The following PRMT1 variants were observed in gnomAD, a reference collection of about 807,000 sequenced individuals.
PRMT1 encodes protein arginine methyltransferase 1.
In PRMT1, 5 loss-of-function variants were observed where a neutral mutation model predicts 47.4. The ratio of observed to expected loss-of-function variants is 0.11; its 90% CI spans 0.06 to 0.22. PRMT1 has a LOEUF of 0.22. Among genes scored for constraint, PRMT1 ranks in the 10% least tolerant of loss-of-function variants. The probability of loss-of-function intolerance (pLI) is 1.00; values close to 1 mark genes in which losing one functional copy is unlikely to be tolerated. For missense variants in PRMT1, 249 were observed against 518.4 expected (o/e 0.48, Z 5.05); for synonymous variants, 227 against 204.6 (o/e 1.11, Z -0.94).
rs1462229388 is a variant in PRMT1 at position 49,684,116 on chromosome 19, G to T, written c.555+47G>T. ...TGCAGCTCGCGTGGGCTGGGGTCCA[G>T]GTAGAAGACGAAAACCACGCTCAAT... On this transcript the variant is annotated intron_variant, in intron 6 of 10. Coordinates refer to ENST00000454376, the MANE Select transcript of PRMT1 (RefSeq NM_001536.6). This position sits in a 1 kb window ranked among gnomAD's most constrained non-coding sequence, Gnocchi z 6.2. 4 of 1,607,150 alleles carry T rather than the reference G, an allele frequency of 2.5e-6. No homozygotes were observed. Among genetic ancestry groups the T allele is most frequent in the Non-Finnish European group, 3.4e-6 (4 of 1,175,414 alleles).
At chr19:49,677,353 C>A in intron 1 of PRMT1, 37 bp downstream of exon 1, 1 of 1,370,992 alleles carries the variant, frequency 7.3e-7, no homozygotes, top group Non-Finnish European at 9.5e-7. Context: ...CGGGAGGCGG[C>A]TTTGGGTCGG....
In PRMT1 at chr19:49,686,261, G is replaced by C; in HGVS notation, c.910+18G>C. On this transcript the variant is annotated intron_variant, in intron 9 of 10. Transcript: ENST00000454376. Reference sequence around the variant, plus strand: ...CTCCACCAGTGAGGCGGGGCCCACAGGGCTGGGGGCCGTTCCCGAGCCAGG... The same window carrying C: ...CTCCACCAGTGAGGCGGGGCCCACACGGCTGGGGGCCGTTCCCGAGCCAGG... 1.9e-6 allele frequency: 3 copies of C among 1,575,912 alleles called. No homozygotes were observed. The highest frequency in any genetic ancestry group is 4.7e-5 in the East Asian group (2 of 42,246).
chr19:49,683,209 G>A (rs551784569), intron 5 of PRMT1, among the ~76,000 whole-genome samples: 7 of 151,670 alleles, frequency 4.6e-5, no homozygotes, highest in African/African-American at 1.5e-4. Context: ...GTGAGCCACC[G>A]TGCCATCCTG....
In PRMT1 at chr19:49,685,959, G is replaced by C. The variant is rs1052827784; in HGVS notation, c.760-134G>C. 1.7e-5 allele frequency: 25 copies of C among 1,476,400 alleles called. No individual in the cohort carries two copies. The highest frequency in any genetic ancestry group is 2.1e-5 in the Non-Finnish European group (23 of 1,121,114). The allele number at this position is 1,476,400 out of a possible 1,614,324, so 91.5% of individuals were successfully genotyped here. A position where few individuals can be genotyped will look rare whatever the true frequency, so the allele number is the denominator to read the frequency against. Reference sequence around the variant, plus strand: ...GATGCAGAGTGAAGGAGGAGCCGAGGCTGGGTGCCAGTGAGGGAGGGCTAG... The same window carrying C: ...GATGCAGAGTGAAGGAGGAGCCGAGCCTGGGTGCCAGTGAGGGAGGGCTAG... On this transcript the variant is annotated intron_variant, in intron 8 of 10. Transcript: ENST00000454376. The surrounding 1 kb of genome is among the most constrained non-coding windows in gnomAD (Gnocchi z 4.7).
At chr19:49,682,294 G>C (rs1333975127) in intron 5 of PRMT1, 35 bp downstream of exon 5, 1 of 1,604,178 alleles carries the variant, frequency 6.2e-7, no homozygotes, top group South Asian at 1.1e-5. Context: ...TGTGGGAGTG[G>C]AGGGGGTGAT....
In PRMT1 at chr19:49,680,446, G is replaced by A. The variant is rs1363670987; in HGVS notation, c.91-41G>A. ...CTGGAGGTTTAAGAGGCTGTGGGGAGCCCCCAGATCTGACCCATGATCCCA... is the reference window on the plus strand; with the variant it reads ...CTGGAGGTTTAAGAGGCTGTGGGGAACCCCCAGATCTGACCCATGATCCCA... On this transcript the variant is annotated intron_variant, in intron 2 of 10. Coordinates refer to ENST00000454376, the MANE Select transcript of PRMT1 (RefSeq NM_001536.6). The surrounding 1 kb of genome is among the most constrained non-coding windows in gnomAD (Gnocchi z 4.2). The A allele has an allele frequency of 2.0e-6, 3 of 1,492,732 alleles. No homozygotes were observed. The highest frequency in any genetic ancestry group is 1.7e-5 in the Admixed American group (1 of 59,798). The allele number at this position is 1,492,732 out of a possible 1,614,324, so 92.5% of individuals were successfully genotyped here. A position where few individuals can be genotyped will look rare whatever the true frequency, so the allele number is the denominator to read the frequency against.
At position 49,681,809 on chromosome 19, in the gene PRMT1, C is replaced by A; in HGVS notation, c.193-101C>A. 1 of 1,133,626 alleles carries A rather than the reference C, an allele frequency of 8.8e-7. No homozygotes were observed. The highest frequency in any genetic ancestry group is 1.2e-6 in the Non-Finnish European group (1 of 831,370). 70.2% of individuals were successfully genotyped at this position (1,133,626 alleles called of 1,614,324 possible). ...GGAAACTGAGGTGCATGGAAGAAAG[C>A]GAGAGGGCCGAGCTCTGGCCCTCCG... On this transcript the variant is annotated intron_variant, in intron 3 of 10. Coordinates refer to ENST00000454376, the MANE Select transcript of PRMT1 (RefSeq NM_001536.6). This position sits in a 1 kb window ranked among gnomAD's most constrained non-coding sequence, Gnocchi z 4.4.
Position 49,680,220 on chromosome 19 carries a change from CAG to C in PRMT1, c.91-261_91-260del. On this transcript the variant is annotated intron_variant, in intron 2 of 10. Transcript: ENST00000454376. The surrounding 1 kb of genome is among the most constrained non-coding windows in gnomAD (Gnocchi z 4.2). The stretch of plus-strand genomic sequence containing the variant: ...CTGTGGGCTGAGCTAGAGACGGGGT[CAG>C]AGAGACTGGAGAGATGGTAGGCGTG... 1.3e-6 allele frequency: 2 copies of C among 1,597,854 alleles called. No homozygotes were observed. The highest frequency in any genetic ancestry group is 1.7e-6 in the Non-Finnish European group (2 of 1,169,554).
At position 49,680,384 on chromosome 19, in the gene PRMT1, G is replaced by T; in HGVS notation, c.91-103G>T. 1.7e-6 allele frequency: 2 copies of T among 1,157,768 alleles called. No homozygotes were observed. The allele number at this position is 1,157,768 out of a possible 1,614,324, so 71.7% of individuals were successfully genotyped here. The stretch of plus-strand genomic sequence containing the variant: ...TGTAGGGTTGTCATGGTATGATTTT[G>T]GGGGTTCTATACTACTCTTCAGGGA... On this transcript the variant is annotated intron_variant, in intron 2 of 10. Coordinates refer to ENST00000454376, the MANE Select transcript of PRMT1 (RefSeq NM_001536.6). The surrounding 1 kb of genome is among the most constrained non-coding windows in gnomAD (Gnocchi z 4.2).
chr19:49,679,204 C>T (rs1337692163), intron 1 of PRMT1, among the ~76,000 whole-genome samples: 1 of 152,168 alleles, frequency 6.6e-6, no homozygotes, highest in Non-Finnish European at 1.5e-5. Flanking sequence ...GGAGTCCTCT[C>T]ATTCTTAGAG....
In PRMT1 at chr19:49,684,341, G is replaced by T. The variant is rs1314560764; in HGVS notation, c.555+272G>T. 6.6e-6 allele frequency among the ~76,000 whole-genome samples: 1 copy of T among 152,154 alleles called. No homozygotes were observed. Among genetic ancestry groups the T allele is most frequent in the East Asian group, 1.9e-4 (1 of 5,174 alleles). On this transcript the variant is annotated intron_variant, in intron 6 of 10. Coordinates refer to ENST00000454376, the MANE Select transcript of PRMT1 (RefSeq NM_001536.6). The surrounding 1 kb of genome is among the most constrained non-coding windows in gnomAD (Gnocchi z 6.2). Reference sequence around the variant, plus strand: ...CCGGGAGAGGTGAGGTGACGGAGAGGTGGATGAAGCATACGGAGGGGCAGC... The same window carrying T: ...CCGGGAGAGGTGAGGTGACGGAGAGTTGGATGAAGCATACGGAGGGGCAGC...
In PRMT1 at chr19:49,680,608, A is replaced by ACTG; in HGVS notation, c.192+20_192+21insCTG. The ACTG allele has an allele frequency of 6.4e-7, 1 of 1,567,406 alleles. No individual in the cohort carries two copies. Among genetic ancestry groups the ACTG allele is most frequent in the Non-Finnish European group, 8.8e-7 (1 of 1,137,746 alleles). On this transcript the variant is annotated intron_variant, in intron 3 of 10. Coordinates refer to ENST00000454376, the MANE Select transcript of PRMT1 (RefSeq NM_001536.6). This position sits in a 1 kb window ranked among gnomAD's most constrained non-coding sequence, Gnocchi z 4.2. Reference sequence around the variant, plus strand: ...CACGAGGTCAGTGGGGACAGTCCCCAAGGCCCCAATCTTAGGGGGGCTTAA... The same window carrying ACTG: ...CACGAGGTCAGTGGGGACAGTCCCCACTGAGGCCCCAATCTTAGGGGGGCTTAA...
At chr19:49,677,890 C>A (rs1224495102) in intron 1 of PRMT1, among the ~76,000 whole-genome samples, 3 of 151,718 alleles carry the variant, frequency 2.0e-5, no homozygotes, top group Non-Finnish European at 4.4e-5. Flanking sequence ...CGGTTTTGTG[C>A]GTTCTGGGTT....
chr19:49,680,111 G>A lies in PRMT1; in HGVS notation c.90+186G>A, dbSNP rs560988427. On this transcript the variant is annotated intron_variant, in intron 2 of 10. Coordinates refer to ENST00000454376, the MANE Select transcript of PRMT1 (RefSeq NM_001536.6). The surrounding 1 kb of genome is among the most constrained non-coding windows in gnomAD (Gnocchi z 4.2). The stretch of plus-strand genomic sequence containing the variant: ...GCCCCCGCTGGCCTCCCCCAGTATC[G>A]CCGCTACTTCCTTAACTCCACCTCC... 57 of 1,133,680 alleles carry A rather than the reference G, an allele frequency of 5.0e-5. No individual in the cohort carries two copies. Among genetic ancestry groups the A allele is most frequent in the Admixed American group, 1.0e-4 (5 of 49,294 alleles). The allele number at this position is 1,133,680 out of a possible 1,614,324, so 70.2% of individuals were successfully genotyped here.
intron 10 of PRMT1, among the ~76,000 whole-genome samples, chr19:49,687,349 C>T (rs2082222873): frequency 6.6e-6 from 1 of 152,012 alleles, no homozygotes; most frequent in African/African-American, 2.4e-5. Flanking sequence ...GGCTTGGAGC[C>T]TGGAGTCGCC....
Position 49,677,288 on chromosome 19 carries a change from C to G in PRMT1, c.8C>G (p.Ala3Gly). 3.5e-6 allele frequency: 5 copies of G among 1,414,458 alleles called. No individual in the cohort carries two copies. The highest frequency in any genetic ancestry group is 4.6e-6 in the Non-Finnish European group (5 of 1,081,532). 87.6% of individuals were successfully genotyped at this position (1,414,458 alleles called of 1,614,324 possible). A position where few individuals can be genotyped will look rare whatever the true frequency, so the allele number is the denominator to read the frequency against. ...GAGTAGGTGCGGGTGAAGATGGCGG[C>G]AGCCGAGGCCGCGAACTGCATCATG... is the stretch of plus-strand genomic sequence containing the variant. Reference protein sequence around the residue: MAAAEAANCIMEN... With the variant: MAGAEAANCIMEN... Residue 3 changes from alanine to glycine, a missense_variant, in exon 1 of 11, where the codon GCA (alanine) becomes GGA (glycine). Physicochemically the swap from Ala to Gly is moderately conservative, Grantham distance 60. This residue lies in a region of PRMT1 where 59 missense variants were observed against 61.7 expected (regional missense o/e 0.96). Coordinates refer to ENST00000454376, the MANE Select transcript of PRMT1 (RefSeq NM_001536.6).
In PRMT1 at chr19:49,681,081, G is replaced by T. The variant is rs2082111684; in HGVS notation, c.192+493G>T. Among the ~76,000 whole-genome samples the T allele has an allele frequency of 6.6e-6, 1 of 152,146 alleles. No individual in the cohort carries two copies. The highest frequency in any genetic ancestry group is 1.5e-5 in the Non-Finnish European group (1 of 68,040). On this transcript the variant is annotated intron_variant, in intron 3 of 10. Coordinates refer to ENST00000454376, the MANE Select transcript of PRMT1 (RefSeq NM_001536.6). The surrounding 1 kb of genome is among the most constrained non-coding windows in gnomAD (Gnocchi z 4.4). ...ATTTTTTATTTTTAGAGACGGTCTCGCTCTGTCGCCCAGGCTAGAGTGCAT... is the reference window on the plus strand; with the variant it reads ...ATTTTTTATTTTTAGAGACGGTCTCTCTCTGTCGCCCAGGCTAGAGTGCAT...
In PRMT1 at chr19:49,684,766, C is replaced by A; in HGVS notation, c.568C>A (p.Leu190Ile). Reference protein sequence around the residue: ...ARDKWLAPDGLIFPDRATLYV... With the variant: ...ARDKWLAPDGIIFPDRATLYV... Reference sequence around the variant, plus strand: ...TGCCCCTCTGTAGGCGCCCGATGGCCTCATCTTCCCAGACCGGGCCACGCT... The same window carrying A: ...TGCCCCTCTGTAGGCGCCCGATGGCATCATCTTCCCAGACCGGGCCACGCT... The change falls in exon 7 of 11, where the codon CTC becomes ATC. Residue 190 changes from leucine to isoleucine, a missense_variant. Physicochemically the swap from Leu to Ile is conservative, Grantham distance 5. Coordinates refer to ENST00000454376, the MANE Select transcript of PRMT1 (RefSeq NM_001536.6). The surrounding 1 kb of genome is among the most constrained non-coding windows in gnomAD (Gnocchi z 6.2). 1.3e-6 allele frequency: 2 copies of A among 1,558,860 alleles called. No individual in the cohort carries two copies. The highest frequency in any genetic ancestry group is 1.7e-6 in the Non-Finnish European group (2 of 1,151,132).
At position 49,685,381 on chromosome 19, in the gene PRMT1, T is replaced by A; in HGVS notation, c.759+344T>A. On this transcript the variant is annotated intron_variant, in intron 8 of 10. Transcript: ENST00000454376. The surrounding 1 kb of genome is among the most constrained non-coding windows in gnomAD (Gnocchi z 4.7). The stretch of plus-strand genomic sequence containing the variant: ...ACTGCAGAAGAGCACGGGGCCAGGC[T>A]GGGCTCCGAGATGTGCCTGAGGTCC... The A allele has an allele frequency of 8.1e-7, 1 of 1,237,732 alleles. No individual in the cohort carries two copies. Among genetic ancestry groups the A allele is most frequent in the Non-Finnish European group, 1.0e-6 (1 of 976,154 alleles). 76.7% of individuals were successfully genotyped at this position (1,237,732 alleles called of 1,614,324 possible).
Sources: allele counts gnomAD v4.1 joint callset (sites outside exome capture counted in the v4.1 genomes callset), GRCh38; gene constraint gnomAD v4.1.1; regional missense constraint gnomAD v4.1.1; non-coding constraint Gnocchi (gnomAD v3.1); transcripts MANE v1.5; gene names NCBI Gene and HGNC (gene_info 2026-07-23, HGNC 2026-07-21).